The following SPOCK2 variants were observed in gnomAD, a reference collection of about 807,000 sequenced individuals.
The protein encoded by SPOCK2 is SPARC (osteonectin), cwcv and kazal like domains proteoglycan 2.
A neutral mutation model predicts 60.1 loss-of-function variants in SPOCK2; 39 were observed. The ratio of observed to expected loss-of-function variants is 0.65; its 90% CI spans 0.50 to 0.85. The LOEUF (loss-of-function observed/expected upper bound fraction) is 0.85, where lower values mean the gene tolerates loss of function less well. Ranked by LOEUF, SPOCK2 falls within the 40% of genes least tolerant of loss-of-function variation. The pLI, the probability that SPOCK2 is intolerant of heterozygous loss-of-function variation, is 0.00. For synonymous variants in SPOCK2, 217 were observed against 231.5 expected, an observed-to-expected ratio of 0.94 and a Z score of 0.57; for missense variants, 523 against 567.4, an observed-to-expected ratio of 0.92 and a Z score of 0.80.
intron 1 of SPOCK2, among the ~76,000 whole-genome samples, chr10:72,076,246 C>G (rs1272486346): frequency 6.6e-6 from 1 of 152,174 alleles, no homozygotes; most frequent in Non-Finnish European, 1.5e-5. Flanking sequence ...CTCAAGGACA[C>G]ACTGAGGGGT....
Position 72,062,660 on chromosome 10 carries a change from G to C in SPOCK2, c.*100C>G. On this transcript the variant is annotated 3_prime_UTR_variant, in exon 11 of 11. Transcript: ENST00000373109. This position sits in a 1 kb window ranked among gnomAD's most constrained non-coding sequence, Gnocchi z 4.3. ...CTCCCAGTCCCCCCAGGTGGAGCAG[G>C]GTCCTTCTGACTGCATTTCTGGATC... 1 of 1,515,598 alleles carries C rather than the reference G, an allele frequency of 6.6e-7. No homozygotes were observed. The highest frequency in any genetic ancestry group is 1.3e-5 in the South Asian group (1 of 77,244). The allele number at this position is 1,515,598 out of a possible 1,614,324, so 93.9% of individuals were successfully genotyped here.
At chr10:72,086,995 G>T (rs1409551389) in intron 1 of SPOCK2, 1 of 1,551,496 alleles carries the variant, frequency 6.4e-7, no homozygotes, top group African/African-American at 1.4e-5. Context: ...GAGGGAACCT[G>T]GGGAAGGAGG....
chr10:72,076,178 G>A (rs1330609486), intron 1 of SPOCK2, among the ~76,000 whole-genome samples: 1 of 152,184 alleles, frequency 6.6e-6, no homozygotes, highest in Non-Finnish European at 1.5e-5. Context: ...GGTCTTGTGG[G>A]GAGGAATGAC....
At chr10:72,083,072 G>A (rs1589125974) in intron 1 of SPOCK2, among the ~76,000 whole-genome samples, 1 of 152,094 alleles carries the variant, frequency 6.6e-6, no homozygotes, top group African/African-American at 2.4e-5. Context: ...AGCAGCCCAC[G>A]CTAAGAGAGA....
At chr10:72,075,457 T>G (rs528845301) in intron 1 of SPOCK2, among the ~76,000 whole-genome samples, 474 of 152,294 alleles carry the variant, frequency 3.1e-3, no homozygotes, top group African/African-American at 0.011. Context: ...CTGAGGCCCC[T>G]GGCACCGGCT....
At chr10:72,074,873 CGGCCCACACCT>C in intron 1 of SPOCK2, among the ~76,000 whole-genome samples, 1 of 152,268 alleles carries the variant, frequency 6.6e-6, no homozygotes, top group African/African-American at 2.4e-5. Context: ...TCCCTCTGCT[CGGCCCACACCT>C]GGCCCACACG....
chr10:72,073,088 G>T (rs1840670960), intron 1 of SPOCK2, among the ~76,000 whole-genome samples, 178 bp from the exon 2 acceptor site: 1 of 152,216 alleles, frequency 6.6e-6, no homozygotes, highest in South Asian at 2.1e-4. Context: ...CCAATAAGAG[G>T]CCAGTATTCT....
chr10:72,088,077 C>A, intron 1 of SPOCK2, 63 bp downstream of exon 1: 3 of 1,583,888 alleles, frequency 1.9e-6, no homozygotes, highest in Non-Finnish European at 1.7e-6. Flanking sequence ...TCCCGCAGAC[C>A]CCGGAGCTCA....
rs147365854 is a variant in SPOCK2 at position 72,081,493 on chromosome 10, T to C, written c.189+6647A>G. Among the ~76,000 whole-genome samples, 20 of 152,306 alleles carry C rather than the reference T, an allele frequency of 1.3e-4. No individual in the cohort carries two copies. In the East Asian group the frequency reaches 3.9e-3, roughly 30 times the overall value. ...GCCCCACCCTACAGAATCTGTTCTCTACCCGAGGGAGCCCTGTCTCCACCA... is the reference window on the plus strand; with the variant it reads ...GCCCCACCCTACAGAATCTGTTCTCCACCCGAGGGAGCCCTGTCTCCACCA... On this transcript the variant is annotated intron_variant, in intron 1 of 10. Coordinates refer to ENST00000373109, the MANE Select transcript of SPOCK2 (RefSeq NM_001244950.2).
rs1840489868 is a variant in SPOCK2 at position 72,061,417 on chromosome 10, C to G, written c.*1343G>C. On this transcript the variant is annotated 3_prime_UTR_variant, in exon 11 of 11. Transcript: ENST00000373109. Reference sequence around the variant, plus strand: ...ATCCTCAGAGGGGCCAGAAGGAAGCCCTGGGGGCTGAGGGAAGTGGGGCTG... The same window carrying G: ...ATCCTCAGAGGGGCCAGAAGGAAGCGCTGGGGGCTGAGGGAAGTGGGGCTG... 1 of 152,586 alleles carries G rather than the reference C, an allele frequency of 6.6e-6. No homozygotes were observed. Among genetic ancestry groups the G allele is most frequent in the African/African-American group, 2.4e-5 (1 of 41,454 alleles). The allele number at this position is 152,586 out of a possible 1,614,324, so 9.5% of individuals were successfully genotyped here.
At chr10:72,078,193 G>C (rs1840738950) in intron 1 of SPOCK2, among the ~76,000 whole-genome samples, 1 of 152,092 alleles carries the variant, frequency 6.6e-6, no homozygotes, top group South Asian at 2.1e-4. Context: ...TTGTAATAAA[G>C]AGAAAAAACA....
intron 1 of SPOCK2, among the ~76,000 whole-genome samples, chr10:72,074,657 A>C (rs955419046): frequency 2.6e-5 from 4 of 152,200 alleles, no homozygotes; most frequent in Non-Finnish European, 5.9e-5. Flanking sequence ...GCTCTCCCTC[A>C]GGCTGGCCTT....
chr10:72,067,122 T>C lies in SPOCK2; in HGVS notation c.710-2A>G, dbSNP rs757515293. The C allele has an allele frequency of 6.2e-7, 1 of 1,612,824 alleles. No homozygotes were observed. Among genetic ancestry groups the C allele is most frequent in the Non-Finnish European group, 8.5e-7 (1 of 1,179,556 alleles). On this transcript the variant is annotated splice_acceptor_variant, in intron 7 of 10. Transcript: ENST00000373109. LOFTEE classifies it high-confidence loss of function. ...TGGCCCCCAGGCTCTTGTCCAGCCC[T>C]GGGAAAAGATCAGGTTCAGGCACGC...
At chr10:72,068,578 G>A (rs1840603381) in intron 5 of SPOCK2, among the ~76,000 whole-genome samples, 2 of 152,036 alleles carry the variant, frequency 1.3e-5, no homozygotes, top group Admixed American at 1.3e-4. Context: ...CAGGACACCT[G>A]TCTCCCCTCC....
chr10:72,072,326 A>G lies in SPOCK2; in HGVS notation c.245-68T>C, dbSNP rs933569721. On this transcript the variant is annotated intron_variant, in intron 3 of 10. Coordinates refer to ENST00000373109, the MANE Select transcript of SPOCK2 (RefSeq NM_001244950.2). ...CCAGGAACCTCCAGCCCCACTTCTG[A>G]GCTGGGAGGCCTCTCCCTCCAGCAG... 5.2e-5 allele frequency: 76 copies of G among 1,452,530 alleles called. 1 individual carries two copies. The South Asian group carries it at 1.0e-3, about 20-fold the overall frequency. The allele number at this position is 1,452,530 out of a possible 1,614,324, so 90.0% of individuals were successfully genotyped here. A position where few individuals can be genotyped will look rare whatever the true frequency, so the allele number is the denominator to read the frequency against.
intron 1 of SPOCK2, among the ~76,000 whole-genome samples, chr10:72,076,699 G>T (rs1054088158): frequency 6.6e-6 from 1 of 152,176 alleles, no homozygotes; most frequent in African/African-American, 2.4e-5. Flanking sequence ...GATTATAGGC[G>T]TGAGCCACTG....
rs768250496 is a variant in SPOCK2 at position 72,067,079 on chromosome 10, C to G, written c.751G>C (p.Gly251Arg). The G allele has an allele frequency of 6.2e-7, 1 of 1,614,182 alleles. No individual in the cohort carries two copies. Among genetic ancestry groups the G allele is most frequent in the Non-Finnish European group, 8.5e-7 (1 of 1,180,044 alleles). ...SLGASCKDSI[G>R]WMFSKLDTSA... ...GTGTCCAGCTTGGAGAACATCCAGC[C>G]AATGGAGTCCTTGCAGCTGGCCCCC... Residue 251 changes from glycine to arginine, a missense_variant, in exon 8 of 11, where the codon GGC becomes CGC. By Grantham distance (125) the Gly-to-Arg change is moderately radical. Transcript: ENST00000373109.
chr10:72,081,193 T>C (rs1343978759), intron 1 of SPOCK2, among the ~76,000 whole-genome samples: 1 of 152,178 alleles, frequency 6.6e-6, no homozygotes, highest in Non-Finnish European at 1.5e-5. Context: ...TTTCTTCACC[T>C]GTGAAATGTG....
At chr10:72,068,400 CT>C in intron 5 of SPOCK2, 99 bp from the exon 6 acceptor site, 2 of 1,300,960 alleles carry the variant, frequency 1.5e-6, no homozygotes, top group Non-Finnish European at 2.1e-6. Flanking sequence ...CCACATCTGC[CT>C]CCCCCCATGG....
Sources: gnomAD v4.1 joint callset for allele counts (sites outside exome capture counted in the v4.1 genomes callset) on GRCh38, gnomAD v4.1.1 for gene constraint, Gnocchi (gnomAD v3.1) non-coding constraint, MANE v1.5 for transcripts, NCBI Gene and HGNC (gene_info 2026-07-23, HGNC 2026-07-21) for gene names.